Variants in GMPR observed in about 807,000 individuals in gnomAD.
GMPR encodes the protein guanosine monophosphate reductase.
In GMPR, 31 loss-of-function variants were observed where a neutral mutation model predicts 38.4. The observed-to-expected ratio is 0.81, with a 90% CI of 0.61 to 1.09. The LOEUF (loss-of-function observed/expected upper bound fraction) is 1.09, where lower values mean the gene tolerates loss of function less well. Ranked by LOEUF, GMPR falls within the 50% of genes least tolerant of loss-of-function variation. The pLI is 0.00. For missense variants in GMPR, 468 were observed against 453.7 expected (o/e 1.03, Z -0.29); for synonymous variants, 162 against 173.3 (o/e 0.93, Z 0.51).
chr6:16,292,543 G>A (rs1759859708), intron 8 of GMPR, among the ~76,000 whole-genome samples: 1 of 152,154 alleles, frequency 6.6e-6, no homozygotes, highest in African/African-American at 2.4e-5. Flanking sequence ...CCCTGATAGA[G>A]GAGGAGGTTG....
chr6:16,242,451 T>C (rs1039435948), intron 1 of GMPR, among the ~76,000 whole-genome samples: 2 of 151,946 alleles, frequency 1.3e-5, no homozygotes, highest in Non-Finnish European at 2.9e-5. Flanking sequence ...TTCTGGAAGG[T>C]AGCAGTCCCA....
intron 4 of GMPR, among the ~76,000 whole-genome samples, chr6:16,258,328 T>C (rs1211472398): frequency 6.6e-6 from 1 of 152,182 alleles, no homozygotes; most frequent in Non-Finnish European, 1.5e-5. Context: ...CAGCTGGGCC[T>C]GCTGAGAACT....
chr6:16,281,840 T>C (rs191425367), intron 6 of GMPR, among the ~76,000 whole-genome samples: 3 of 152,108 alleles, frequency 2.0e-5, no homozygotes, highest in Admixed American at 6.5e-5. Flanking sequence ...TGCTGAGAGG[T>C]CTCCTAGATG....
intron 1 of GMPR, among the ~76,000 whole-genome samples, chr6:16,245,303 T>C (rs1342237921): frequency 6.6e-6 from 1 of 152,176 alleles, no homozygotes; most frequent in Non-Finnish European, 1.5e-5. Context: ...TATGACATCA[T>C]TCACCCAGGA....
Position 16,295,101 on chromosome 6 carries a change from A to G in GMPR, c.953A>G (p.Tyr318Cys). ...GGGGGACTGAGGTCCACGTGCACCT[A>G]CGTGGGGGCCGCCAAACTCAAGGAG... ...ILGGLRSTCT[Y>C]VGAAKLKELS... The change falls in exon 9 of 9, where the codon TAC becomes TGC. Residue 318 changes from tyrosine to cysteine, a missense_variant. By Grantham distance (194) the Tyr-to-Cys change is radical. Transcript: ENST00000259727. The G allele has an allele frequency of 1.9e-6, 3 of 1,582,536 alleles. No individual in the cohort carries two copies. Among genetic ancestry groups the G allele is most frequent in the African/African-American group, 1.4e-5 (1 of 71,950 alleles).
At chr6:16,279,434 G>A (rs184842691) in intron 6 of GMPR, among the ~76,000 whole-genome samples, 1 of 152,310 alleles carries the variant, frequency 6.6e-6, no homozygotes, top group Admixed American at 6.5e-5. Flanking sequence ...CCCTCCTCCA[G>A]GATGTCCGCA....
At chr6:16,261,312 G>A (rs1759081589) in intron 4 of GMPR, among the ~76,000 whole-genome samples, 1 of 152,012 alleles carries the variant, frequency 6.6e-6, no homozygotes, top group South Asian at 2.1e-4. Context: ...AACAGATAAG[G>A]AGAAAATTTG....
At chr6:16,276,069 C>T (rs937796655) in intron 5 of GMPR, among the ~76,000 whole-genome samples, 1 of 149,932 alleles carries the variant, frequency 6.7e-6, no homozygotes, top group Non-Finnish European at 1.5e-5. Flanking sequence ...GACCCTGTCT[C>T]AAGAAAAAAA....
chr6:16,268,535 C>T (rs1211772686), intron 4 of GMPR, among the ~76,000 whole-genome samples: 1 of 152,224 alleles, frequency 6.6e-6, no homozygotes, highest in Non-Finnish European at 1.5e-5. Context: ...CTGTCTCAGC[C>T]TCCCAAAGTG....
chr6:16,274,315 G>C, intron 4 of GMPR, 100 bp from the exon 5 acceptor site: 1 of 773,918 alleles, frequency 1.3e-6, no homozygotes, highest in Non-Finnish European at 2.2e-6. Context: ...CTGCCTGGTG[G>C]CTTTAGGACA....
At chr6:16,257,074 T>G (rs1581651062) in intron 4 of GMPR, among the ~76,000 whole-genome samples, 1 of 152,330 alleles carries the variant, frequency 6.6e-6, no homozygotes, top group Admixed American at 6.5e-5. Flanking sequence ...CAAGCCATGA[T>G]TAGAAGCTTG....
intron 4 of GMPR, chr6:16,264,371 G>C (rs1478184753): frequency 3.6e-5 from 9 of 253,110 alleles, no homozygotes; most frequent in South Asian, 8.2e-5. Context: ...TGTTTCTTGG[G>C]CTGGTCGGTC....
intron 1 of GMPR, among the ~76,000 whole-genome samples, chr6:16,240,887 G>A (rs552539937): frequency 6.6e-6 from 1 of 152,202 alleles, no homozygotes; most frequent in South Asian, 2.1e-4. Flanking sequence ...AACCAGCATT[G>A]CCTTTCTAAT....
intron 8 of GMPR, among the ~76,000 whole-genome samples, chr6:16,293,159 G>A (rs931005366): frequency 2.0e-5 from 3 of 152,096 alleles, no homozygotes; most frequent in African/African-American, 7.2e-5. Context: ...TCATTCTCAC[G>A]CTGTGCCCGG....
rs1023247073 is a variant in GMPR, at chr6:16,285,726, G to C, written c.655-67G>C. 47 of 1,348,832 alleles carry C rather than the reference G, an allele frequency of 3.5e-5. No individual in the cohort carries two copies. The Middle Eastern group carries it at 5.4e-4, about 16-fold the overall frequency. 83.6% of individuals were successfully genotyped at this position (1,348,832 alleles called of 1,614,324 possible). ...GAACCCCCAGTCACTAGGTCATCTGGGGGGAGGGGACAGCCTGGCTGAGCT... is the reference window on the plus strand; with the variant it reads ...GAACCCCCAGTCACTAGGTCATCTGCGGGGAGGGGACAGCCTGGCTGAGCT... On this transcript the variant is annotated intron_variant, in intron 6 of 8. Transcript: ENST00000259727.
chr6:16,266,770 G>A (rs1200465962), intron 4 of GMPR, among the ~76,000 whole-genome samples: 2 of 151,570 alleles, frequency 1.3e-5, no homozygotes, highest in East Asian at 4.0e-4. Flanking sequence ...CGGCCTAGGT[G>A]AGAGCGAGAC....
chr6:16,246,448 G>A (rs1758757043), intron 1 of GMPR, among the ~76,000 whole-genome samples: 2 of 152,176 alleles, frequency 1.3e-5, no homozygotes, highest in Non-Finnish European at 2.9e-5. Flanking sequence ...TGTGGCTCTA[G>A]GTGAAAGGTA....
chr6:16,263,892 C>T (rs1157039226), intron 4 of GMPR, among the ~76,000 whole-genome samples: 1 of 150,154 alleles, frequency 6.7e-6, no homozygotes, highest in East Asian at 1.9e-4. Context: ...GGTACATGCC[C>T]CTCCTCTAGA....
intron 4 of GMPR, among the ~76,000 whole-genome samples, chr6:16,266,185 ATCTTTAAGAGCTGTAACACTC>A (rs1217216527): frequency 1.1e-3 from 77 of 70,512 alleles, no homozygotes; most frequent in Middle Eastern, 0.011. Flanking sequence ...AACACTTGCC[ATCTTTAAGAGCTGTAACACTC>A]GCTGCGAAGA....
Sources: allele counts gnomAD v4.1 joint callset (sites outside exome capture counted in the v4.1 genomes callset), GRCh38; gene constraint gnomAD v4.1.1; transcripts MANE v1.5; gene names NCBI Gene and HGNC (gene_info 2026-07-23, HGNC 2026-07-21).